Variants in SLC27A2 observed in about 807,000 individuals in gnomAD.
SLC27A2 encodes the protein long-chain fatty acid transport protein 2.
Under a neutral mutation model 60.0 loss-of-function variants are expected in SLC27A2, and 54 were observed. The ratio of observed to expected loss-of-function variants is 0.90; its 90% CI spans 0.72 to 1.13. SLC27A2 has a LOEUF of 1.13. Ranked by LOEUF, SLC27A2 falls within the 50% of genes most tolerant of loss-of-function variation. The pLI is 0.00. For synonymous variants in SLC27A2, 297 were observed against 297.6 expected (o/e 1.00, Z 0.02); for missense variants, 739 against 777.6 (o/e 0.95, Z 0.59).
In SLC27A2 at chr15:50,182,315, C is replaced by T; in HGVS notation, c.-113C>T. 7.5e-7 allele frequency: 1 copy of T among 1,328,032 alleles called. No homozygotes were observed. Among genetic ancestry groups the T allele is most frequent in the Non-Finnish European group, 9.6e-7 (1 of 1,041,312 alleles). 82.3% of individuals were successfully genotyped at this position (1,328,032 alleles called of 1,614,324 possible). On this transcript the variant is annotated 5_prime_UTR_variant, in exon 1 of 10. Transcript: ENST00000267842. ...CATCTCACGCGAGCCCGGCGTCCCG[C>T]CGCGTGCGCCCCGGCGCAGCCCGCC...
chr15:50,202,536 T>C lies in SLC27A2; in HGVS notation c.738T>C (p.Thr246=). 3 of 1,614,218 alleles carry C rather than the reference T, an allele frequency of 1.9e-6. No homozygotes were observed. Among genetic ancestry groups the C allele is most frequent in the Non-Finnish European group, 2.5e-6 (3 of 1,180,024 alleles). ...MITHQRIWYG[T]GLTFVSGLKA... ...CTCATCAGCGCATATGGTATGGAAC[T>C]GGCCTCACTTTTGTAAGCGGATTGA... Residue 246 remains threonine (T), a synonymous_variant, in exon 3 of 10, where the codon ACT becomes ACC. Coordinates refer to ENST00000267842, the MANE Select transcript of SLC27A2 (RefSeq NM_003645.4).
chr15:50,183,922 C>T (rs559670446), intron 1 of SLC27A2, among the ~76,000 whole-genome samples: 21 of 147,164 alleles, frequency 1.4e-4, no homozygotes, highest in Admixed American at 1.1e-3. Flanking sequence ...CACCATTATA[C>T]AGTTGAGAAA....
chr15:50,235,362 T>A (rs2045344259), intron 9 of SLC27A2, among the ~76,000 whole-genome samples: 1 of 152,188 alleles, frequency 6.6e-6, no homozygotes, highest in South Asian at 2.1e-4. Context: ...TCCCTCCTTC[T>A]AATCCCACCA....
At position 50,182,521 on chromosome 15, in the gene SLC27A2, T is replaced by C. The variant is rs2044864857; in HGVS notation, c.94T>C (p.Tyr32His). ...CCPYFFQDIGYFLKVAAVGRR... is the reference protein window; with the variant it reads ...CCPYFFQDIGHFLKVAAVGRR... ...CCCATACTTCTTCCAGGACATAGGC[T>C]ACTTCTTGAAGGTGGCCGCCGTGGG... Residue 32 changes from tyrosine to histidine, a missense_variant, in exon 1 of 10, where the codon TAC (tyrosine) becomes CAC (histidine). Tyr to His is a moderately conservative substitution (Grantham distance 83). Transcript: ENST00000267842. 5.0e-6 allele frequency: 8 copies of C among 1,612,544 alleles called. No homozygotes were observed. In the East Asian group the frequency reaches 1.8e-4, roughly 36 times the overall value.
intron 6 of SLC27A2, among the ~76,000 whole-genome samples, chr15:50,226,707 G>A (rs1274873883): frequency 6.6e-6 from 1 of 152,084 alleles, no homozygotes; most frequent in Non-Finnish European, 1.5e-5. Flanking sequence ...ACTCCAGCCT[G>A]GGCAACAGGG....
rs1336821325 is a variant in SLC27A2, at chr15:50,227,040, G to C, written c.1319G>C (p.Gly440Ala). ...TQLTPFNGYA[G>A]AKAQTEKKKL... ...CTTACACCATTTAATGGCTATGCTGGAGCAAAGGCTCAGACAGAGAAGAAA... is the reference window on the plus strand; with the variant it reads ...CTTACACCATTTAATGGCTATGCTGCAGCAAAGGCTCAGACAGAGAAGAAA... Residue 440 changes from glycine (G) to alanine (A), a missense_variant, in exon 7 of 10, where the codon GGA becomes GCA. Transcript: ENST00000267842. The C allele has an allele frequency of 1.2e-6, 2 of 1,614,024 alleles. No homozygotes were observed. The highest frequency in any genetic ancestry group is 1.3e-5 in the African/African-American group (1 of 74,912).
chr15:50,192,059 C>CAA (rs553255229), intron 1 of SLC27A2, among the ~76,000 whole-genome samples: 9 of 103,252 alleles, frequency 8.7e-5, no homozygotes, highest in African/African-American at 1.8e-4. Context: ...GACTCCATCT[C>CAA]AAAAAAAAAA....
rs1361147607 is a variant in SLC27A2, at chr15:50,236,079, A to G, written c.1846A>G (p.Lys616Glu). ...TEDIYNAISA[K>E]TLKL ...GGACATCTATAATGCCATAAGTGCTAAAACCCTGAAACTCTGAATATTCCC... is the reference window on the plus strand; with the variant it reads ...GGACATCTATAATGCCATAAGTGCTGAAACCCTGAAACTCTGAATATTCCC... Residue 616 changes from lysine (K) to glutamate (E), a missense_variant, in exon 10 of 10, where the codon AAA becomes GAA. By Grantham distance (56) the Lys-to-Glu change is moderately conservative. Coordinates refer to ENST00000267842, the MANE Select transcript of SLC27A2 (RefSeq NM_003645.4). The G allele has an allele frequency of 1.2e-6, 2 of 1,600,708 alleles. No homozygotes were observed. The highest frequency in any genetic ancestry group is 8.5e-7 in the Non-Finnish European group (1 of 1,171,332).
chr15:50,231,206 G>A (rs1015328622), intron 8 of SLC27A2, among the ~76,000 whole-genome samples: 7 of 148,680 alleles, frequency 4.7e-5, no homozygotes, highest in Non-Finnish European at 7.4e-5. Flanking sequence ...GTGCAATGGC[G>A]CGATCTCGGC....
At chr15:50,209,351 AG>A (rs2045136939) in intron 4 of SLC27A2, among the ~76,000 whole-genome samples, 2 of 152,108 alleles carry the variant, frequency 1.3e-5, no homozygotes, top group Admixed American at 1.3e-4. Flanking sequence ...CCCAAGACAG[AG>A]GGAGGCCAAA....
rs115306086 is a variant in SLC27A2, at chr15:50,192,102, T to A, written c.479-5398T>A. Among the ~76,000 whole-genome samples the A allele has an allele frequency of 2.7e-3, 406 of 151,174 alleles. 3 individuals carry two copies. Among genetic ancestry groups the A allele is most frequent in the African/African-American group, 9.5e-3 (392 of 41,184 alleles). Reference sequence around the variant, plus strand: ...AAAAGAAAATATGTAGGCCCAAACATATCTACAAAAGACTCAAGAAAATAA... The same window carrying A: ...AAAAGAAAATATGTAGGCCCAAACAAATCTACAAAAGACTCAAGAAAATAA... On this transcript the variant is annotated intron_variant, in intron 1 of 9. Coordinates refer to ENST00000267842, the MANE Select transcript of SLC27A2 (RefSeq NM_003645.4).
chr15:50,199,867 A>G lies in SLC27A2; in HGVS notation c.688+2158A>G, dbSNP rs546868781. On this transcript the variant is annotated intron_variant, in intron 2 of 9. Coordinates refer to ENST00000267842, the MANE Select transcript of SLC27A2 (RefSeq NM_003645.4). The stretch of plus-strand genomic sequence containing the variant: ...CACTTGAGCCCAGGAGTCTGAGGCT[A>G]CAGTGACGTGCCACTACACCCCATG... Among the ~76,000 whole-genome samples, 762 of 152,314 alleles carry G rather than the reference A, an allele frequency of 5.0e-3. 5 individuals carry two copies. Among genetic ancestry groups the G allele is most frequent in the Non-Finnish European group, 7.1e-3 (485 of 68,028 alleles).
At chr15:50,189,315 G>A (rs79704705) in intron 1 of SLC27A2, among the ~76,000 whole-genome samples, 6 of 152,008 alleles carry the variant, frequency 3.9e-5, no homozygotes, top group Non-Finnish European at 8.8e-5. Flanking sequence ...GTACATGGTA[G>A]GACAGCGGTG....
intron 4 of SLC27A2, among the ~76,000 whole-genome samples, chr15:50,212,058 G>C (rs1272780466): frequency 1.6e-5 from 2 of 123,648 alleles, no homozygotes; most frequent in South Asian, 2.6e-4. Flanking sequence ...GAGACAGAGT[G>C]AGACTCTGTC....
At chr15:50,229,117 C>A in intron 8 of SLC27A2, 75 bp downstream of exon 8, 1 of 932,328 alleles carries the variant, frequency 1.1e-6, no homozygotes, top group South Asian at 1.4e-5. Flanking sequence ...CGAAGTTTGT[C>A]ATTGCTTTCT....
chr15:50,230,237 A>C (rs1331744677), intron 8 of SLC27A2, among the ~76,000 whole-genome samples: 2 of 80,132 alleles, frequency 2.5e-5, no homozygotes, highest in African/African-American at 8.5e-5. Flanking sequence ...CTGTCTCACC[A>C]AAAAAAAAAA....
intron 4 of SLC27A2, among the ~76,000 whole-genome samples, chr15:50,220,522 G>A (rs1258335390): frequency 6.6e-6 from 1 of 152,236 alleles, no homozygotes; most frequent in Non-Finnish European, 1.5e-5. Flanking sequence ...GGATAAGTAA[G>A]ACCTTGGGTC....
intron 4 of SLC27A2, among the ~76,000 whole-genome samples, chr15:50,215,277 A>T (rs2045186791): frequency 6.6e-6 from 1 of 152,186 alleles, no homozygotes; most frequent in Admixed American, 6.5e-5. Context: ...AAAGGCCTCT[A>T]CATAAAACTA....
chr15:50,222,240 CCTT>C lies in SLC27A2; in HGVS notation c.973-722_973-720del, dbSNP rs1202651619. Among the ~76,000 whole-genome samples, 4 of 152,160 alleles carry C rather than the reference CCTT, an allele frequency of 2.6e-5. No individual in the cohort carries two copies. In the East Asian group the frequency reaches 7.7e-4, roughly 29 times the overall value. ...TGAGGCAACTGGGAGGTGGCCTCCT[CCTT>C]CTCTTCCCCTCCCCATCCCACTGGG... On this transcript the variant is annotated intron_variant, in intron 4 of 9. Coordinates refer to ENST00000267842, the MANE Select transcript of SLC27A2 (RefSeq NM_003645.4).
Sources: allele counts gnomAD v4.1 joint callset (sites outside exome capture counted in the v4.1 genomes callset), GRCh38; gene constraint gnomAD v4.1.1; transcripts MANE v1.5; gene names NCBI Gene and HGNC (gene_info 2026-07-23, HGNC 2026-07-21).